Variants in CNTN4 observed in about 807,000 individuals in gnomAD.
The protein encoded by CNTN4 is contactin 4, also known as contactin-4.
Under a neutral mutation model 122.5 loss-of-function variants are expected in CNTN4, and 77 were observed. The observed-to-expected ratio is 0.63, with a 90% CI of 0.52 to 0.76. CNTN4 has a LOEUF of 0.76. Among genes scored for constraint, CNTN4 ranks in the 30% least tolerant of loss-of-function variants. The probability of loss-of-function intolerance (pLI) is 0.00; values close to 1 mark genes in which losing one functional copy is unlikely to be tolerated. For synonymous variants in CNTN4, 512 were observed against 447.0 expected (o/e 1.15, Z -1.83); for missense variants, 1,256 against 1,259.1 (o/e 1.00, Z 0.04).
chr3:2,312,077 G>A (rs552386287), intron 2 of CNTN4, among the ~76,000 whole-genome samples: 5 of 152,034 alleles, frequency 3.3e-5, no homozygotes, highest in South Asian at 4.1e-4. Context: ...ACTTTGGGAG[G>A]TTAAGGCGGC....
chr3:2,820,992 C>T (rs1032777584), intron 7 of CNTN4, among the ~76,000 whole-genome samples: 13 of 115,574 alleles, frequency 1.1e-4, no homozygotes, highest in Admixed American at 4.8e-4. Context: ...GACAGAGTCT[C>T]GCTTTGTCAC....
intron 3 of CNTN4, among the ~76,000 whole-genome samples, chr3:2,369,390 A>G (rs910125953): frequency 6.6e-6 from 1 of 152,192 alleles, no homozygotes; most frequent in African/African-American, 2.4e-5. Flanking sequence ...AATTTTTAAA[A>G]CATCATAGCC....
chr3:2,271,084 TATC>T (rs1164550359), intron 2 of CNTN4, among the ~76,000 whole-genome samples: 1 of 152,168 alleles, frequency 6.6e-6, no homozygotes, highest in Admixed American at 6.6e-5. Context: ...GAAAACGAAA[TATC>T]ATGCTGTTTC....
chr3:2,677,936 A>T (rs1209589984), intron 4 of CNTN4, among the ~76,000 whole-genome samples: 1 of 152,206 alleles, frequency 6.6e-6, no homozygotes, highest in African/African-American at 2.4e-5. Flanking sequence ...TGTTAGCAGA[A>T]AACTTGAATA....
chr3:2,759,398 C>T (rs1281669779), intron 6 of CNTN4, among the ~76,000 whole-genome samples: 2 of 152,160 alleles, frequency 1.3e-5, no homozygotes, highest in Non-Finnish European at 2.9e-5. Flanking sequence ...CTGCCCGCCT[C>T]GGCCTCCCAA....
chr3:2,328,525 A>G (rs551233362), intron 2 of CNTN4, among the ~76,000 whole-genome samples: 31 of 152,324 alleles, frequency 2.0e-4, no homozygotes, highest in African/African-American at 7.5e-4. Flanking sequence ...TTATTAATCT[A>G]TCTTTTGTTG....
intron 6 of CNTN4, among the ~76,000 whole-genome samples, chr3:2,776,577 A>C (rs143116030): frequency 6.6e-6 from 1 of 152,144 alleles, no homozygotes; most frequent in Non-Finnish European, 1.5e-5. Context: ...TTACACGTGA[A>C]TTTGTGTGAC....
chr3:2,383,075 C>G (rs74821317), intron 3 of CNTN4, among the ~76,000 whole-genome samples: 3 of 121,122 alleles, frequency 2.5e-5, no homozygotes, highest in Non-Finnish European at 3.5e-5. Context: ...AAATCCATCT[C>G]AAAAAAAAAA....
chr3:2,808,669 G>A, intron 6 of CNTN4, among the ~76,000 whole-genome samples: 1 of 152,142 alleles, frequency 6.6e-6, no homozygotes, highest in African/African-American at 2.4e-5. Flanking sequence ...AGGGGTGAGT[G>A]GGCGAGTGGG....
At chr3:2,244,219 A>AG (rs1404303829) in intron 2 of CNTN4, among the ~76,000 whole-genome samples, 1 of 149,252 alleles carries the variant, frequency 6.7e-6, no homozygotes, top group Non-Finnish European at 1.5e-5. Flanking sequence ...TAATAAAAAA[A>AG]ATCTATGTAA....
intron 3 of CNTN4, among the ~76,000 whole-genome samples, chr3:2,410,025 A>G (rs924649230): frequency 9.9e-5 from 15 of 152,224 alleles, no homozygotes; most frequent in African/African-American, 3.1e-4. Flanking sequence ...GAAATTAGCC[A>G]TATTATAGTT....
intron 3 of CNTN4, among the ~76,000 whole-genome samples, chr3:2,375,249 G>T (rs1469516985): frequency 6.6e-6 from 1 of 152,186 alleles, no homozygotes; most frequent in Non-Finnish European, 1.5e-5. Flanking sequence ...GAGGGTATCT[G>T]TTATGTTAGA....
chr3:2,874,980 G>GT (rs2093826709), intron 8 of CNTN4, among the ~76,000 whole-genome samples: 1 of 151,894 alleles, frequency 6.6e-6, no homozygotes, highest in South Asian at 2.1e-4. Context: ...TTATCCGTTT[G>GT]TTTTTGTTTG....
rs6764442 is a variant in CNTN4, at chr3:2,605,465, G to A, written c.55+33907G>A. Reference sequence around the variant, plus strand: ...TCTGGATGAGCTGGGAAGCATTGTAGGGTTTTAGACAAAGGGGTGTCTTGA... The same window carrying A: ...TCTGGATGAGCTGGGAAGCATTGTAAGGTTTTAGACAAAGGGGTGTCTTGA... On this transcript the variant is annotated intron_variant, in intron 4 of 24. Transcript: ENST00000418658. 6.7e-3 allele frequency among the ~76,000 whole-genome samples: 1,026 copies of A among 152,212 alleles called. 9 individuals carry two copies. The highest frequency in any genetic ancestry group is 0.024 in the African/African-American group (983 of 41,522).
chr3:2,454,821 G>A (rs1002235965), intron 3 of CNTN4, among the ~76,000 whole-genome samples: 41 of 152,170 alleles, frequency 2.7e-4, no homozygotes, highest in African/African-American at 9.9e-4. Flanking sequence ...CTGAATGTGT[G>A]AATATTTTTA....
rs529602277 is a variant in CNTN4 at position 2,134,594 on chromosome 3, A to T, written c.-145+33955A>T. On this transcript the variant is annotated intron_variant, in intron 2 of 24. Transcript: ENST00000418658. ...CCAAGCTGTAATGCAGTGGTTCCCA[A>T]CTAGGGGCATCTTGGTCTCCAGGGG... Among the ~76,000 whole-genome samples the T allele has an allele frequency of 4.1e-4, 62 of 152,320 alleles. No individual in the cohort carries two copies. In the South Asian group the frequency reaches 9.3e-3, roughly 23 times the overall value.
At chr3:2,935,971 A>G (rs2094564249) in intron 13 of CNTN4, among the ~76,000 whole-genome samples, 1 of 152,238 alleles carries the variant, frequency 6.6e-6, no homozygotes, top group South Asian at 2.1e-4. Context: ...AATGTATTTG[A>G]AAGGAAAGTA....
intron 7 of CNTN4, among the ~76,000 whole-genome samples, chr3:2,828,816 T>C (rs1489524935): frequency 6.6e-6 from 1 of 152,146 alleles, no homozygotes; most frequent in African/African-American, 2.4e-5. Context: ...TCATGGGTCA[T>C]TGCAGCCTGA....
chr3:2,299,974 C>A (rs6775053), intron 2 of CNTN4, among the ~76,000 whole-genome samples: 2 of 151,966 alleles, frequency 1.3e-5, no homozygotes, highest in Non-Finnish European at 2.9e-5. Flanking sequence ...TTTTATTTAG[C>A]GTTCCACTAA....
Sources: allele counts gnomAD v4.1 joint callset (sites outside exome capture counted in the v4.1 genomes callset), GRCh38; gene constraint gnomAD v4.1.1; transcripts MANE v1.5; gene names NCBI Gene and HGNC (gene_info 2026-07-23, HGNC 2026-07-21).